The following TENM4 variants were observed in gnomAD, a reference collection of about 807,000 sequenced individuals.
TENM4 encodes teneurin-4.
In TENM4, 82 loss-of-function variants were observed where a neutral mutation model predicts 243.3. The observed-to-expected ratio is 0.34, with a 90% confidence interval of 0.28 to 0.40. The LOEUF (loss-of-function observed/expected upper bound fraction) is 0.40. Ranked by LOEUF, TENM4 falls within the 10% of genes least tolerant of loss-of-function variation. The pLI is 1.00. For missense variants in TENM4, 3,138 were observed against 3,673.3 expected, an observed-to-expected ratio of 0.85 and a Z score of 3.77; for synonymous variants, 1,412 against 1,456.3, an observed-to-expected ratio of 0.97 and a Z score of 0.69.
intron 1 of TENM4, among the ~76,000 whole-genome samples, chr11:79,308,361 T>C (rs1173105936): frequency 1.3e-5 from 2 of 152,108 alleles, no homozygotes; most frequent in African/African-American, 4.8e-5. Flanking sequence ...TTTTTCTTCC[T>C]TTTTTTTCAG....
At chr11:78,738,337 G>A in intron 20 of TENM4, 114 bp downstream of exon 20, 4 of 1,374,160 alleles carry the variant, frequency 2.9e-6, no homozygotes, top group South Asian at 3.0e-5. Flanking sequence ...TTGAATTCAG[G>A]CCCTCTGAAT....
intron 4 of TENM4, among the ~76,000 whole-genome samples, chr11:79,092,061 G>A (rs1257517878): frequency 5.3e-5 from 8 of 152,126 alleles, no homozygotes; most frequent in Admixed American, 3.9e-4. Context: ...TCTGCAATTT[G>A]TCTATTATTT....
intron 18 of TENM4, among the ~76,000 whole-genome samples, chr11:78,769,961 G>T (rs892663788): frequency 6.6e-6 from 1 of 152,204 alleles, no homozygotes; most frequent in Non-Finnish European, 1.5e-5. Flanking sequence ...AATTCCCAAA[G>T]GTTAGGATGC....
intron 12 of TENM4, among the ~76,000 whole-genome samples, chr11:78,829,211 A>G (rs1857923717): frequency 6.6e-6 from 1 of 152,304 alleles, no homozygotes; most frequent in Middle Eastern, 3.4e-3. Context: ...CCCCATGTGA[A>G]GTCTCTGACT....
intron 1 of TENM4, among the ~76,000 whole-genome samples, chr11:79,428,678 G>A (rs1329615095): frequency 6.6e-6 from 1 of 152,190 alleles, no homozygotes; most frequent in Non-Finnish European, 1.5e-5. Flanking sequence ...AAGAGGACAG[G>A]CTGAGTAAGA....
chr11:78,780,676 C>G (rs947545834), intron 16 of TENM4, among the ~76,000 whole-genome samples: 66 of 152,132 alleles, frequency 4.3e-4, no homozygotes, highest in African/African-American at 1.6e-3. Flanking sequence ...GATAATCTCC[C>G]CAGGGCCAGG....
At chr11:79,430,707 G>A (rs1859149251) in intron 1 of TENM4, among the ~76,000 whole-genome samples, 1 of 152,194 alleles carries the variant, frequency 6.6e-6, no homozygotes, top group Admixed American at 6.5e-5. Flanking sequence ...TTGAGGAACA[G>A]AAGGGTCGCC....
At chr11:78,688,327 T>G (rs1565332777) in intron 28 of TENM4, 101 bp from the exon 29 acceptor site, 3 of 1,329,668 alleles carry the variant, frequency 2.3e-6, no homozygotes, top group East Asian at 2.4e-5. Flanking sequence ...GTGCTCTGCT[T>G]TTCTTTCTGG....
At position 79,069,969 on chromosome 11, in the gene TENM4, A is replaced by G; in HGVS notation, c.-25T>C. 5 of 1,541,094 alleles carry G rather than the reference A, an allele frequency of 3.2e-6. No homozygotes were observed. The highest frequency in any genetic ancestry group is 3.5e-6 in the Non-Finnish European group (4 of 1,144,962). On this transcript the variant is annotated 5_prime_UTR_variant, in exon 5 of 34. The change abolishes an upstream ATG in the 5' untranslated region. Transcript: ENST00000278550. ...TGGCCTCCGGCCCGCGCTCCTCCACATCCACAAACAGGGTCCTCGCCGCAC... is the reference window on the plus strand; with the variant it reads ...TGGCCTCCGGCCCGCGCTCCTCCACGTCCACAAACAGGGTCCTCGCCGCAC...
intron 2 of TENM4, among the ~76,000 whole-genome samples, chr11:79,251,191 G>A (rs572067564): frequency 6.6e-6 from 1 of 152,308 alleles, no homozygotes; most frequent in Admixed American, 6.5e-5. Context: ...TGGGCCATGT[G>A]AGGCAGAGTT....
At chr11:79,329,313 C>G (rs146108008) in intron 1 of TENM4, among the ~76,000 whole-genome samples, 35 of 152,318 alleles carry the variant, frequency 2.3e-4, no homozygotes, top group African/African-American at 7.9e-4. Flanking sequence ...TGAGGCTCAG[C>G]AGTGACGGGA....
intron 16 of TENM4, among the ~76,000 whole-genome samples, chr11:78,780,356 G>A (rs554797033): frequency 6.6e-6 from 1 of 152,316 alleles, no homozygotes; most frequent in South Asian, 2.1e-4. Flanking sequence ...TGCTATCAAA[G>A]GGCATGAATA....
chr11:79,001,809 G>A (rs80290477), intron 6 of TENM4, among the ~76,000 whole-genome samples: 1 of 152,124 alleles, frequency 6.6e-6, no homozygotes, highest in African/African-American at 2.4e-5. Context: ...CCCAACCAGG[G>A]TGCATCCTGG....
intron 6 of TENM4, among the ~76,000 whole-genome samples, chr11:78,916,819 A>G (rs985047100): frequency 6.6e-6 from 1 of 152,194 alleles, no homozygotes; most frequent in East Asian, 1.9e-4. Context: ...CAACTCTGTT[A>G]AATGTGACAT....
chr11:79,164,277 A>ATAGTATATAGATATACTAGTATATAC (rs1862849613), intron 3 of TENM4, among the ~76,000 whole-genome samples: 1 of 127,430 alleles, frequency 7.8e-6, no homozygotes, highest in Non-Finnish European at 1.5e-5. Flanking sequence ...ACTAGTATAT[A>ATAGTATATAGATATACTAGTATATAC]TAGTATATAG....
chr11:79,182,172 A>G (rs1195558528), intron 3 of TENM4, among the ~76,000 whole-genome samples: 1 of 152,216 alleles, frequency 6.6e-6, no homozygotes, highest in African/African-American at 2.4e-5. Flanking sequence ...GAGGACTGAC[A>G]TTACTGAACT....
At chr11:79,319,954 T>C (rs11608095) in intron 1 of TENM4, among the ~76,000 whole-genome samples, 10,142 of 152,244 alleles carry the variant, frequency 0.067, 401 homozygotes, top group South Asian at 0.083. Flanking sequence ...GTAGAGGCTC[T>C]ACCAGTGATT....
intron 4 of TENM4, among the ~76,000 whole-genome samples, chr11:79,109,069 G>A (rs1288390286): frequency 2.0e-5 from 3 of 152,142 alleles, no homozygotes; most frequent in Non-Finnish European, 4.4e-5. Flanking sequence ...CACATCTGTG[G>A]ATTCCCCTCA....
chr11:78,664,336 A>G (rs1419090118), intron 32 of TENM4, among the ~76,000 whole-genome samples: 3 of 152,050 alleles, frequency 2.0e-5, no homozygotes, highest in Non-Finnish European at 4.4e-5. Context: ...CATGGGTTCA[A>G]GAGATTCTCC....
Sources: gnomAD v4.1 joint callset for allele counts (sites outside exome capture counted in the v4.1 genomes callset) on GRCh38, gnomAD v4.1.1 for gene constraint, MANE v1.5 for transcripts, NCBI Gene and HGNC (gene_info 2026-07-23, HGNC 2026-07-21) for gene names.